CACNA1C: variants seen among roughly 807,000 people sequenced by gnomAD.
CACNA1C encodes voltage-dependent L-type calcium channel subunit alpha-1C.
In CACNA1C, 30 loss-of-function variants were observed where a neutral mutation model predicts 229.0. That is an observed-to-expected ratio of 0.13 (90% CI 0.10 to 0.18). The LOEUF (loss-of-function observed/expected upper bound fraction) is 0.18, where lower values mean the gene tolerates loss of function less well. Among genes scored for constraint, CACNA1C ranks in the 10% least tolerant of loss-of-function variants. The pLI is 1.00. For synonymous variants in CACNA1C, 1,114 were observed against 1,132.5 expected, an observed-to-expected ratio of 0.98 and a Z score of 0.33; for missense variants, 1,658 against 2,845.0, an observed-to-expected ratio of 0.58 and a Z score of 9.49.
At chr12:2,530,876 G>C (rs1188769820) in intron 9 of CACNA1C, among the ~76,000 whole-genome samples, 3 of 152,200 alleles carry the variant, frequency 2.0e-5, no homozygotes, top group Non-Finnish European at 2.9e-5. Flanking sequence ...GGCTAACTGT[G>C]ACATCTTTAG....
intron 3 of CACNA1C, among the ~76,000 whole-genome samples, chr12:2,135,924 T>G (rs575445581): frequency 2.7e-5 from 4 of 149,268 alleles, no homozygotes; most frequent in African/African-American, 1.0e-4. Flanking sequence ...CGCCTTGCAG[T>G]TTGATCTCAG....
chr12:2,278,717 G>A (rs1403063609), intron 3 of CACNA1C, among the ~76,000 whole-genome samples: 1 of 152,226 alleles, frequency 6.6e-6, no homozygotes, highest in Non-Finnish European at 1.5e-5. Context: ...TCGTACGGAT[G>A]TATGCTTTCC....
At chr12:2,563,752 C>G (rs1207744068) in intron 11 of CACNA1C, among the ~76,000 whole-genome samples, 1 of 152,228 alleles carries the variant, frequency 6.6e-6, no homozygotes, top group African/African-American at 2.4e-5. Context: ...GGATCCGTAA[C>G]AGCCCAGGTT....
chr12:2,099,045 C>T (rs2075366401), intron 1 of CACNA1C, among the ~76,000 whole-genome samples: 1 of 152,210 alleles, frequency 6.6e-6, no homozygotes, highest in Admixed American at 6.5e-5. Flanking sequence ...CCCTCCCTCC[C>T]TGGAACCTGG....
In CACNA1C at chr12:2,287,614, A is replaced by G. The variant is rs1362376211; in HGVS notation, c.478-161362A>G. Among the ~76,000 whole-genome samples, 8 of 152,170 alleles carry G rather than the reference A, an allele frequency of 5.3e-5. No individual in the cohort carries two copies. Among genetic ancestry groups the G allele is most frequent in the African/African-American group, 1.7e-4 (7 of 41,434 alleles). On this transcript the variant is annotated intron_variant, in intron 3 of 46. Transcript: ENST00000399655. This position sits in a 1 kb window ranked among gnomAD's most constrained non-coding sequence, Gnocchi z 4.6. The stretch of plus-strand genomic sequence containing the variant: ...AAGTTAGTAATTCTCATCCCTGGCC[A>G]CACATAAGAATCATCTGGGATCATT...
At chr12:2,393,540 T>C (rs966584531) in intron 3 of CACNA1C, among the ~76,000 whole-genome samples, 11 of 152,202 alleles carry the variant, frequency 7.2e-5, no homozygotes, top group Non-Finnish European at 1.5e-4. Flanking sequence ...GCTAGCTATA[T>C]AGCTGAGGGC....
At position 2,666,620 on chromosome 12, in the gene CACNA1C, G is replaced by A. The variant is rs889308341; in HGVS notation, c.4527-66G>A. On this transcript the variant is annotated intron_variant, in intron 36 of 46. Transcript: ENST00000399655. The surrounding 1 kb of genome is among the most constrained non-coding windows in gnomAD (Gnocchi z 5.3). ...TGGGCCCTACCCCTCAGGCGCATGCGTCCTGGGCTGCTGGCAGAGACCGTG... is the reference window on the plus strand; with the variant it reads ...TGGGCCCTACCCCTCAGGCGCATGCATCCTGGGCTGCTGGCAGAGACCGTG... 4.7e-5 allele frequency: 49 copies of A among 1,040,500 alleles called. No individual in the cohort carries two copies. Among genetic ancestry groups the A allele is most frequent in the Middle Eastern group, 2.2e-4 (1 of 4,524 alleles). 64.5% of individuals were successfully genotyped at this position (1,040,500 alleles called of 1,614,324 possible).
chr12:2,239,088 CT>C (rs1254949422), intron 3 of CACNA1C, among the ~76,000 whole-genome samples: 15 of 152,198 alleles, frequency 9.9e-5, no homozygotes, highest in Non-Finnish European at 8.8e-5. Context: ...ATTTTAGCAG[CT>C]ATTTTTACTC....
chr12:2,122,803 C>A (rs2154152353), intron 3 of CACNA1C, among the ~76,000 whole-genome samples: 1 of 152,314 alleles, frequency 6.6e-6, no homozygotes, highest in East Asian at 1.9e-4. Context: ...AAAGGCCTGG[C>A]CCCATATTTC....
At chr12:2,031,309 A>T (rs947003989) in intron 1 of CACNA1C, among the ~76,000 whole-genome samples, 1 of 152,144 alleles carries the variant, frequency 6.6e-6, no homozygotes, top group Non-Finnish European at 1.5e-5. Flanking sequence ...CGTGGCACTC[A>T]AGAGCTTGTT....
chr12:2,364,748 C>T (rs889558415), intron 3 of CACNA1C, among the ~76,000 whole-genome samples: 3 of 152,154 alleles, frequency 2.0e-5, no homozygotes, highest in Middle Eastern at 3.4e-3. Flanking sequence ...CCAGTCATTT[C>T]GGGGCTCCTC....
rs899846245 is a variant in CACNA1C, at chr12:2,654,549, C to T, written c.4141-598C>T. ...CCCACACTAGCCCAAAGCGCTTCCT[C>T]GGCCGCTCCTTCAGGAAGTCCCCTA... is the stretch of plus-strand genomic sequence containing the variant. On this transcript the variant is annotated intron_variant, in intron 33 of 46. Coordinates refer to ENST00000399655, the MANE Select transcript of CACNA1C (RefSeq NM_000719.7). This position sits in a 1 kb window ranked among gnomAD's most constrained non-coding sequence, Gnocchi z 4.4. 2.6e-5 allele frequency among the ~76,000 whole-genome samples: 4 copies of T among 152,204 alleles called. No individual in the cohort carries two copies. Among genetic ancestry groups the T allele is most frequent in the African/African-American group, 4.8e-5 (2 of 41,458 alleles).
At chr12:2,604,939 G>C (rs1227504317) in intron 22 of CACNA1C, 142 bp from the exon 23 acceptor site, 1 of 693,014 alleles carries the variant, frequency 1.4e-6, no homozygotes, top group Non-Finnish European at 2.6e-6. Flanking sequence ...AGTGGTCCCA[G>C]AATGCGAACA....
rs763465328 is a variant in CACNA1C, at chr12:2,467,140, G to A, written c.757+9434G>A. On this transcript the variant is annotated intron_variant, in intron 5 of 46. Coordinates refer to ENST00000399655, the MANE Select transcript of CACNA1C (RefSeq NM_000719.7). This position sits in a 1 kb window ranked among gnomAD's most constrained non-coding sequence, Gnocchi z 4.6. ...TGCCTGGTCCCCCTGCCCGCCCATCGGAGATGGTCCCTACAACATCTTCTA... is the reference window on the plus strand; with the variant it reads ...TGCCTGGTCCCCCTGCCCGCCCATCAGAGATGGTCCCTACAACATCTTCTA... Among the ~76,000 whole-genome samples the A allele has an allele frequency of 4.3e-4, 66 of 152,216 alleles. 1 individual carries two copies. The highest frequency in any genetic ancestry group is 4.6e-4 in the Non-Finnish European group (31 of 67,996).
intron 3 of CACNA1C, among the ~76,000 whole-genome samples, chr12:2,321,312 G>A (rs993277210): frequency 1.3e-5 from 2 of 152,064 alleles, no homozygotes; most frequent in African/African-American, 4.8e-5. Context: ...CTGTCCACCT[G>A]TTAGGGCAAC....
At chr12:2,510,926 G>A (rs2099782318) in intron 8 of CACNA1C, among the ~76,000 whole-genome samples, 1 of 152,200 alleles carries the variant, frequency 6.6e-6, no homozygotes, top group African/African-American at 2.4e-5. Context: ...CCAGGTACAG[G>A]GGATAAGAGG....
In CACNA1C at chr12:2,493,232, C is replaced by T. The variant is rs377737331; in HGVS notation, c.959C>T (p.Thr320Met). 4.8e-5 allele frequency: 78 copies of T among 1,613,888 alleles called. No individual in the cohort carries two copies. The highest frequency in any genetic ancestry group is 1.8e-4 in the South Asian group (16 of 91,082). ...EDDPSPCALE[T>M]GHGRQCQNGT... ...GACCCTTCCCCTTGTGCGCTGGAAA[C>T]GGGCCACGGGCGGCAGTGCCAGAAC... Residue 320 changes from threonine (T) to methionine (M), a missense_variant, in exon 7 of 47, where the codon ACG becomes ATG. By Grantham distance (81) the Thr-to-Met change is moderately conservative (BLOSUM62 -1). Transcript: ENST00000399655. The surrounding 1 kb of genome is among the most constrained non-coding windows in gnomAD (Gnocchi z 4.6).
chr12:2,367,574 G>T (rs7309680), intron 3 of CACNA1C, among the ~76,000 whole-genome samples: 14 of 152,062 alleles, frequency 9.2e-5, no homozygotes, highest in Admixed American at 9.2e-4. Flanking sequence ...CTGTACAGGA[G>T]ACACTAAAAC....
At chr12:1,984,785 A>T (rs903387263) in intron 1 of CACNA1C, among the ~76,000 whole-genome samples, 5 of 151,130 alleles carry the variant, frequency 3.3e-5, no homozygotes, top group Non-Finnish European at 5.9e-5. Flanking sequence ...TGGTAAAAAA[A>T]AAAAAAAAAA....
Sources: gnomAD v4.1 joint callset for allele counts (sites outside exome capture counted in the v4.1 genomes callset) on GRCh38, gnomAD v4.1.1 for gene constraint, Gnocchi (gnomAD v3.1) non-coding constraint, MANE v1.5 for transcripts, NCBI Gene and HGNC (gene_info 2026-07-23, HGNC 2026-07-21) for gene names.